The following CACNA2D1 variants were observed in gnomAD, a reference collection of about 807,000 sequenced individuals.
CACNA2D1 encodes calcium voltage-gated channel auxiliary subunit alpha2delta 1.
In CACNA2D1, 53 loss-of-function variants were observed where a neutral mutation model predicts 171.5. The ratio of observed to expected loss-of-function variants is 0.31; its 90% CI spans 0.25 to 0.39. CACNA2D1 has a LOEUF of 0.39. Ranked by LOEUF, CACNA2D1 falls within the 10% of genes least tolerant of loss-of-function variation. CACNA2D1 has a pLI of 1.00. For missense variants in CACNA2D1, 903 were observed against 1,299.8 expected, an observed-to-expected ratio of 0.69 and a Z score of 4.69; for synonymous variants, 442 against 443.1, an observed-to-expected ratio of 1.00 and a Z score of 0.03.
chr7:82,035,714 G>GA lies in CACNA2D1; in HGVS notation c.1038+2362dup, dbSNP rs200709169. ...TAAACAGGAGGCAATGAAGTGAGGG[G>GA]AAAAAAAATACTAAGAAGAATAATT... On this transcript the variant is annotated intron_variant, in intron 11 of 38. Transcript: ENST00000356860. 2.9e-3 allele frequency among the ~76,000 whole-genome samples: 440 copies of GA among 151,496 alleles called. 1 individual carries two copies. The highest frequency in any genetic ancestry group is 9.9e-3 in the African/African-American group (409 of 41,354).
intron 9 of CACNA2D1, among the ~76,000 whole-genome samples, chr7:82,061,193 C>T (rs989441742): frequency 2.0e-5 from 3 of 152,148 alleles, no homozygotes; most frequent in African/African-American, 7.2e-5. Flanking sequence ...TGACACATTA[C>T]TTCCAAACAT....
intron 5 of CACNA2D1, among the ~76,000 whole-genome samples, chr7:82,123,514 T>C (rs1420658867): frequency 2.0e-5 from 3 of 152,186 alleles, no homozygotes; most frequent in African/African-American, 7.2e-5. Context: ...ATTCAAATTT[T>C]AAATCAAAAC....
chr7:81,950,756 T>C (rs1002524684), intron 38 of CACNA2D1, among the ~76,000 whole-genome samples: 9 of 152,076 alleles, frequency 5.9e-5, no homozygotes, highest in Admixed American at 1.3e-4. Context: ...TGAAAGAAAA[T>C]AATAAATGCT....
At chr7:82,424,990 C>A (rs553252098) in intron 1 of CACNA2D1, among the ~76,000 whole-genome samples, 8 of 152,316 alleles carry the variant, frequency 5.3e-5, no homozygotes, top group African/African-American at 1.9e-4. Flanking sequence ...ATAATTCCCA[C>A]TCCTGCAGAA....
chr7:82,385,270 T>C (rs970493701), intron 1 of CACNA2D1, among the ~76,000 whole-genome samples: 3 of 152,230 alleles, frequency 2.0e-5, no homozygotes, highest in Admixed American at 2.0e-4. Context: ...GAATGTCAAA[T>C]TGAAATGGAT....
chr7:82,056,382 T>A (rs956047993), intron 10 of CACNA2D1, among the ~76,000 whole-genome samples: 3 of 152,156 alleles, frequency 2.0e-5, no homozygotes, highest in African/African-American at 4.8e-5. Context: ...GCATGAAGCA[T>A]AAAGATGTCT....
At chr7:82,315,478 C>T (rs928086723) in intron 3 of CACNA2D1, among the ~76,000 whole-genome samples, 3 of 152,120 alleles carry the variant, frequency 2.0e-5, no homozygotes, top group Admixed American at 6.6e-5. Flanking sequence ...TCAAAGTAAA[C>T]ATCAATGGAT....
Position 81,964,270 on chromosome 7 carries a change from A to T in CACNA2D1, c.2664T>A (p.Tyr888Ter). Residue 888 changes from tyrosine to a stop codon, truncating the protein, a stop_gained, in exon 33 of 39, where the codon TAT (tyrosine) becomes TAA (stop). Coordinates refer to ENST00000356860, the MANE Select transcript of CACNA2D1 (RefSeq NM_000722.4). LOFTEE classifies it high-confidence loss of function. The part of the protein sequence containing the change: ...SVYAFNKSYD[Y>*]QSVCEPGAAP... ...CAGCACCGGGCTCACATACTGACTG[A>T]TAATCATAAGATTTGTTAAAAGCAT... 6.2e-7 allele frequency: 1 copy of T among 1,612,770 alleles called. No homozygotes were observed. The highest frequency in any genetic ancestry group is 8.5e-7 in the Non-Finnish European group (1 of 1,179,156).
chr7:82,174,782 C>T (rs1306318769), intron 3 of CACNA2D1, among the ~76,000 whole-genome samples: 4 of 152,074 alleles, frequency 2.6e-5, no homozygotes, highest in Non-Finnish European at 5.9e-5. Context: ...CAGGTCTTGT[C>T]CTCAAATCCT....
chr7:82,114,945 T>C (rs1788871747), intron 6 of CACNA2D1, among the ~76,000 whole-genome samples: 1 of 152,124 alleles, frequency 6.6e-6, no homozygotes, highest in African/African-American at 2.4e-5. Flanking sequence ...AGAAAATCAC[T>C]GACTTAAAAT....
intron 1 of CACNA2D1, among the ~76,000 whole-genome samples, chr7:82,389,504 C>T (rs572614120): frequency 6.6e-6 from 1 of 152,276 alleles, no homozygotes; most frequent in East Asian, 1.9e-4. Flanking sequence ...GTTAACAACA[C>T]AGCATTTAGA....
At position 82,023,197 on chromosome 7, in the gene CACNA2D1, G is replaced by A. The variant is rs550677019; in HGVS notation, c.1144-8718C>T. Among the ~76,000 whole-genome samples the A allele has an allele frequency of 3.9e-5, 6 of 151,910 alleles. No homozygotes were observed. The South Asian group carries it at 6.2e-4, about 16-fold the overall frequency. The stretch of plus-strand genomic sequence containing the variant: ...ATTTTTAAGGAGGTCTCATGTACAT[G>A]GGTGAGCCCTAAGGAATGGCAATGC... On this transcript the variant is annotated intron_variant, in intron 12 of 38. Coordinates refer to ENST00000356860, the MANE Select transcript of CACNA2D1 (RefSeq NM_000722.4).
At chr7:81,974,607 A>C (rs1313221917) in intron 24 of CACNA2D1, 55 bp from the exon 25 acceptor site, 2 of 915,690 alleles carry the variant, frequency 2.2e-6, no homozygotes, top group Admixed American at 4.1e-5. Flanking sequence ...TTTACAGGGT[A>C]ATTAAAGGTA....
intron 3 of CACNA2D1, among the ~76,000 whole-genome samples, chr7:82,217,342 G>GC (rs1801215129): frequency 1.5e-5 from 1 of 66,518 alleles, no homozygotes; most frequent in Non-Finnish European, 3.4e-5. Context: ...GTTGCATCCT[G>GC]CCTTTTTAAA....
Position 82,036,350 on chromosome 7 carries a change from C to T in CACNA2D1, c.1038+1727G>A, listed in dbSNP as rs118181493. On this transcript the variant is annotated intron_variant, in intron 11 of 38. Transcript: ENST00000356860. ...CCATTTCCATCAAGTTCCTATATTG[C>T]TCATGTCCCAACTATGCCAGCCATC... Among the ~76,000 whole-genome samples, 245 of 152,270 alleles carry T rather than the reference C, an allele frequency of 1.6e-3. 4 individuals carry two copies. In the East Asian group the frequency reaches 0.018, roughly 11 times the overall value.
intron 5 of CACNA2D1, among the ~76,000 whole-genome samples, chr7:82,124,350 T>C (rs1790087478): frequency 6.6e-6 from 1 of 152,014 alleles, no homozygotes; most frequent in African/African-American, 2.4e-5. Flanking sequence ...AGAGGCAAAA[T>C]GGAAAGTACC....
At chr7:82,148,763 G>T (rs895705060) in intron 4 of CACNA2D1, among the ~76,000 whole-genome samples, 1 of 151,904 alleles carries the variant, frequency 6.6e-6, no homozygotes, top group Non-Finnish European at 1.5e-5. Context: ...TCAGCCTCCC[G>T]AGTAGCTGGG....
At chr7:82,393,481 T>C (rs1231035472) in intron 1 of CACNA2D1, among the ~76,000 whole-genome samples, 1 of 152,054 alleles carries the variant, frequency 6.6e-6, no homozygotes, top group Non-Finnish European at 1.5e-5. Context: ...AATTAGAAAA[T>C]GGGATTAAAA....
intron 5 of CACNA2D1, among the ~76,000 whole-genome samples, chr7:82,118,411 G>GA (rs1389859001): frequency 6.6e-6 from 1 of 152,092 alleles, no homozygotes; most frequent in Non-Finnish European, 1.5e-5. Flanking sequence ...AAGTAAAAGT[G>GA]AAAAGAGAAA....
Sources: allele counts gnomAD v4.1 joint callset (sites outside exome capture counted in the v4.1 genomes callset), GRCh38; gene constraint gnomAD v4.1.1; transcripts MANE v1.5; gene names NCBI Gene and HGNC (gene_info 2026-07-23, HGNC 2026-07-21).